BRIP1: variants seen among roughly 807,000 people sequenced by gnomAD.
BRIP1 encodes Fanconi anemia group J protein.
In BRIP1, 88 loss-of-function variants were observed where a neutral mutation model predicts 119.7. The observed-to-expected ratio is 0.74, with a 90% CI of 0.62 to 0.88. The LOEUF is 0.88. Among genes scored for constraint, BRIP1 ranks in the 40% least tolerant of loss-of-function variants. The pLI, the probability that BRIP1 is intolerant of heterozygous loss-of-function variation, is 0.00. For synonymous variants in BRIP1, 443 were observed against 496.5 expected (o/e 0.89, Z 1.43); for missense variants, 1,259 against 1,455.4 (o/e 0.87, Z 2.20).
rs974544991 is a variant in BRIP1 at position 61,743,978 on chromosome 17, C to G, written c.2257+454G>C. On this transcript the variant is annotated intron_variant, in intron 15 of 19. Transcript: ENST00000259008. The surrounding 1 kb of genome is among the most constrained non-coding windows in gnomAD (Gnocchi z 4.3). ...CTAGGATTACAGGCAAGAGCCACCA[C>G]GCCCGGCCTCACATCAAACTCTTCA... Among the ~76,000 whole-genome samples the G allele has an allele frequency of 6.6e-6, 1 of 152,182 alleles. No homozygotes were observed. The highest frequency in any genetic ancestry group is 1.5e-5 in the Non-Finnish European group (1 of 68,032).
At chr17:61,781,131 T>C in intron 11 of BRIP1, 126 bp from the exon 12 acceptor site, 1 of 815,106 alleles carries the variant, frequency 1.2e-6, no homozygotes, top group Non-Finnish European at 2.0e-6. Context: ...CATTCAAAAA[T>C]AACATTCTCC....
chr17:61,703,208 T>G lies in BRIP1; in HGVS notation c.2493-9696A>C, dbSNP rs888151669. ...CCTCCCAAGTAGCTGGAATTACAGG[T>G]GTGCGCCACAACACCCACCTAATTT... On this transcript the variant is annotated intron_variant, in intron 17 of 19. Coordinates refer to ENST00000259008, the MANE Select transcript of BRIP1 (RefSeq NM_032043.3). This position sits in a 1 kb window ranked among gnomAD's most constrained non-coding sequence, Gnocchi z 5.0. 2.0e-5 allele frequency among the ~76,000 whole-genome samples: 3 copies of G among 152,032 alleles called. No homozygotes were observed. The highest frequency in any genetic ancestry group is 4.8e-5 in the African/African-American group (2 of 41,418).
rs1456866282 is a variant in BRIP1 at position 61,843,949 on chromosome 17, GGGTCTC to G, written c.627+3146_627+3151del. 1.3e-5 allele frequency among the ~76,000 whole-genome samples: 2 copies of G among 151,386 alleles called. No individual in the cohort carries two copies. The highest frequency in any genetic ancestry group is 4.9e-5 in the African/African-American group (2 of 41,166). ...TATTTTTTATTTTTTTTTAGAGACAGGGTCTCGCTCTGTCACCCAGACTGGAGTACA... is the reference window on the plus strand; with the variant it reads ...TATTTTTTATTTTTTTTTAGAGACAGGCTCTGTCACCCAGACTGGAGTACA... On this transcript the variant is annotated intron_variant, in intron 6 of 19. Transcript: ENST00000259008. The surrounding 1 kb of genome is among the most constrained non-coding windows in gnomAD (Gnocchi z 5.7).
At position 61,739,183 on chromosome 17, in the gene BRIP1, A is replaced by T. The variant is rs902423503; in HGVS notation, c.2379+3830T>A. 1 of 184,402 alleles carries T rather than the reference A, an allele frequency of 5.4e-6. No homozygotes were observed. Among genetic ancestry groups the T allele is most frequent in the African/African-American group, 2.3e-5 (1 of 42,554 alleles). 11.4% of individuals were successfully genotyped at this position (184,402 alleles called of 1,614,324 possible). On this transcript the variant is annotated intron_variant, in intron 16 of 19. Transcript: ENST00000259008. The surrounding 1 kb of genome is among the most constrained non-coding windows in gnomAD (Gnocchi z 6.0). ...TGCAATAATGTAGAGCTAGAGTAAA[A>T]TGATAAGACATTAAAAGGAGACAAT...
In BRIP1 at chr17:61,790,705, T is replaced by C. The variant is rs2077803185; in HGVS notation, c.1473+2892A>G. On this transcript the variant is annotated intron_variant, in intron 10 of 19. Coordinates refer to ENST00000259008, the MANE Select transcript of BRIP1 (RefSeq NM_032043.3). ...CCCAGGCTGGAGTGTAGTGGTGCAA[T>C]CATGGTTCACTGTAGCCTCAACCTC... is the stretch of plus-strand genomic sequence containing the variant. Among the ~76,000 whole-genome samples, 5 of 151,966 alleles carry C rather than the reference T, an allele frequency of 3.3e-5. No individual in the cohort carries two copies. The South Asian group carries it at 1.0e-3, about 32-fold the overall frequency.
In BRIP1 at chr17:61,791,488, C is replaced by CAAAAAA. The variant is rs529710126; in HGVS notation, c.1473+2103_1473+2108dup. On this transcript the variant is annotated intron_variant, in intron 10 of 19. Transcript: ENST00000259008. ...TGGGCAACAGAGTGAGACTTCATCT[C>CAAAAAA]AAAAAAAAAAAAAAAAAAAAAAGAA... 9.0e-3 allele frequency among the ~76,000 whole-genome samples: 475 copies of CAAAAAA among 52,890 alleles called. 113 individuals are homozygous for CAAAAAA. Among genetic ancestry groups the CAAAAAA allele is most frequent in the Middle Eastern group, 0.042 (2 of 48 alleles). The allele number at this position is 52,890 out of a possible 152,430, so 34.7% of individuals were successfully genotyped here. A position where few individuals can be genotyped will look rare whatever the true frequency, so the allele number is the denominator to read the frequency against.
rs1281577304 is a variant in BRIP1, at chr17:61,778,455, A to C, written c.1935+1806T>G. Among the ~76,000 whole-genome samples the C allele has an allele frequency of 6.6e-6, 1 of 152,188 alleles. No homozygotes were observed. Among genetic ancestry groups the C allele is most frequent in the East Asian group, 1.9e-4 (1 of 5,198 alleles). ...TTAATAAGACTGAGCTGTATACTCA[A>C]AAATGGTTAAGATGGTAAATTTTAT... On this transcript the variant is annotated intron_variant, in intron 13 of 19. Transcript: ENST00000259008. The surrounding 1 kb of genome is among the most constrained non-coding windows in gnomAD (Gnocchi z 4.4).
chr17:61,764,008 A>C (rs912438902), intron 14 of BRIP1, among the ~76,000 whole-genome samples: 1 of 152,184 alleles, frequency 6.6e-6, no homozygotes, highest in Non-Finnish European at 1.5e-5. Context: ...ATACTACCCA[A>C]TATCCATAAA....
rs184922702 is a variant in BRIP1 at position 61,853,358 on chromosome 17, G to A, written c.379+3700C>T. On this transcript the variant is annotated intron_variant, in intron 4 of 19. Transcript: ENST00000259008. The surrounding 1 kb of genome is among the most constrained non-coding windows in gnomAD (Gnocchi z 4.3). ...AGTGACTGAAAAAGAAGATGAGGAG[G>A]GCCTCTGGGGTGTTGGTAATGTCTC... is the stretch of plus-strand genomic sequence containing the variant. Among the ~76,000 whole-genome samples, 1 of 151,318 alleles carries A rather than the reference G, an allele frequency of 6.6e-6. No homozygotes were observed. The highest frequency in any genetic ancestry group is 2.0e-4 in the East Asian group (1 of 4,988).
At position 61,828,098 on chromosome 17, in the gene BRIP1, G is replaced by A. The variant is rs1042660587; in HGVS notation, c.627+19003C>T. Among the ~76,000 whole-genome samples the A allele has an allele frequency of 3.6e-4, 55 of 152,146 alleles. No homozygotes were observed. Among genetic ancestry groups the A allele is most frequent in the Middle Eastern group, 3.4e-3 (1 of 294 alleles). ...TGAAAACAGAGACTCAAACAGATAC[G>A]TACACCAATGTTCACAGCAGCATTA... is the stretch of plus-strand genomic sequence containing the variant. On this transcript the variant is annotated intron_variant, in intron 6 of 19. Transcript: ENST00000259008. The surrounding 1 kb of genome is among the most constrained non-coding windows in gnomAD (Gnocchi z 4.1).
In BRIP1 at chr17:61,756,415, T is replaced by C. The variant is rs965342407; in HGVS notation, c.2098-11824A>G. The stretch of plus-strand genomic sequence containing the variant: ...TCTTTGTTGAAAATATCCTACTTAA[T>C]AGCTCATAAAGGGTAAATACTATTC... On this transcript the variant is annotated intron_variant, in intron 14 of 19. Coordinates refer to ENST00000259008, the MANE Select transcript of BRIP1 (RefSeq NM_032043.3). This position sits in a 1 kb window ranked among gnomAD's most constrained non-coding sequence, Gnocchi z 4.3. 6.5e-4 allele frequency among the ~76,000 whole-genome samples: 99 copies of C among 152,172 alleles called. 1 individual carries two copies. Among genetic ancestry groups the C allele is most frequent in the African/African-American group, 2.4e-3 (98 of 41,438 alleles).
Position 61,804,743 on chromosome 17 carries a change from T to C in BRIP1, c.919-3269A>G, listed in dbSNP as rs2078048432. Among the ~76,000 whole-genome samples the C allele has an allele frequency of 6.6e-6, 1 of 151,804 alleles. No individual in the cohort carries two copies. The highest frequency in any genetic ancestry group is 2.1e-4 in the South Asian group (1 of 4,828). ...TATATATATATTCAAAATATTTTTGTCTAATAATTATTAAAATTATAAAAT... is the reference window on the plus strand; with the variant it reads ...TATATATATATTCAAAATATTTTTGCCTAATAATTATTAAAATTATAAAAT... On this transcript the variant is annotated intron_variant, in intron 7 of 19. Transcript: ENST00000259008. The surrounding 1 kb of genome is among the most constrained non-coding windows in gnomAD (Gnocchi z 4.5).
intron 6 of BRIP1, among the ~76,000 whole-genome samples, chr17:61,821,417 T>G (rs1465921354): frequency 2.0e-5 from 3 of 152,178 alleles, no homozygotes; most frequent in African/African-American, 7.2e-5. Flanking sequence ...TCTTTTTGAT[T>G]CAGTTTTAGG....
chr17:61,731,711 C>T (rs1567769498), intron 16 of BRIP1, among the ~76,000 whole-genome samples: 1 of 151,954 alleles, frequency 6.6e-6, no homozygotes, highest in Non-Finnish European at 1.5e-5. Context: ...TTTCTTGATC[C>T]CCAAAGACCT....
rs1199825207 is a variant in BRIP1 at position 61,853,211 on chromosome 17, A to G, written c.379+3847T>C. Among the ~76,000 whole-genome samples, 2 of 151,762 alleles carry G rather than the reference A, an allele frequency of 1.3e-5. No homozygotes were observed. Among genetic ancestry groups the G allele is most frequent in the East Asian group, 3.9e-4 (2 of 5,068 alleles). On this transcript the variant is annotated intron_variant, in intron 4 of 19. Coordinates refer to ENST00000259008, the MANE Select transcript of BRIP1 (RefSeq NM_032043.3). This position sits in a 1 kb window ranked among gnomAD's most constrained non-coding sequence, Gnocchi z 4.3. ...ATACAATATTAAGCAGAAGACAGAC[A>G]CAAGATTACATATATAATTCCATTT...
At position 61,861,678 on chromosome 17, in the gene BRIP1, A is replaced by G. The variant is rs2078976133; in HGVS notation, c.-30-109T>C. 3 of 695,888 alleles carry G rather than the reference A, an allele frequency of 4.3e-6. No individual in the cohort carries two copies. Among genetic ancestry groups the G allele is most frequent in the East Asian group, 2.7e-5 (1 of 37,200 alleles). The allele number at this position is 695,888 out of a possible 1,614,324, so 43.1% of individuals were successfully genotyped here. A position where few individuals can be genotyped will look rare whatever the true frequency, so the allele number is the denominator to read the frequency against. On this transcript the variant is annotated intron_variant, in intron 1 of 19. Coordinates refer to ENST00000259008, the MANE Select transcript of BRIP1 (RefSeq NM_032043.3). The surrounding 1 kb of genome is among the most constrained non-coding windows in gnomAD (Gnocchi z 4.5). ...AACAGAAACTGGAATTAATAAAAGT[A>G]TAAACAAAACAAATGGAAACAAAAT... is the stretch of plus-strand genomic sequence containing the variant.
chr17:61,805,067 T>C lies in BRIP1; in HGVS notation c.918+3400A>G, dbSNP rs1037770406. 6.6e-6 allele frequency among the ~76,000 whole-genome samples: 1 copy of C among 151,988 alleles called. No individual in the cohort carries two copies. Among genetic ancestry groups the C allele is most frequent in the Admixed American group, 6.6e-5 (1 of 15,242 alleles). On this transcript the variant is annotated intron_variant, in intron 7 of 19. Coordinates refer to ENST00000259008, the MANE Select transcript of BRIP1 (RefSeq NM_032043.3). This position sits in a 1 kb window ranked among gnomAD's most constrained non-coding sequence, Gnocchi z 5.6. The stretch of plus-strand genomic sequence containing the variant: ...AATTGTATATATATACACACACATA[T>C]ATATGCATATATATAATCTTTACAT...
intron 11 of BRIP1, among the ~76,000 whole-genome samples, chr17:61,781,300 C>G (rs147269748): frequency 6.6e-6 from 1 of 152,138 alleles, no homozygotes; most frequent in Non-Finnish European, 1.5e-5. Context: ...ATGGCAGAAG[C>G]AGAATTAAAA....
At position 61,846,269 on chromosome 17, in the gene BRIP1, A is replaced by C. The variant is rs190178424; in HGVS notation, c.627+832T>G. 1.6e-4 allele frequency among the ~76,000 whole-genome samples: 24 copies of C among 149,924 alleles called. No individual in the cohort carries two copies. The highest frequency in any genetic ancestry group is 3.4e-3 in the Middle Eastern group (1 of 290). ...AAAAGAGAGAGAGAGAGAAAGAGAG[A>C]GAGAGAGAGGTTGGAGCCAATACCT... is the stretch of plus-strand genomic sequence containing the variant. On this transcript the variant is annotated intron_variant, in intron 6 of 19. Transcript: ENST00000259008. This position sits in a 1 kb window ranked among gnomAD's most constrained non-coding sequence, Gnocchi z 4.3.
Sources: gnomAD v4.1 joint callset for allele counts (sites outside exome capture counted in the v4.1 genomes callset) on GRCh38, gnomAD v4.1.1 for gene constraint, Gnocchi (gnomAD v3.1) non-coding constraint, MANE v1.5 for transcripts, NCBI Gene and HGNC (gene_info 2026-07-23, HGNC 2026-07-21) for gene names.